Variants in OFD1 observed in about 807,000 individuals in gnomAD.
OFD1 encodes the protein centriole and centriolar satellite protein OFD1.
A neutral mutation model predicts 81.4 loss-of-function variants in OFD1; 12 were observed. That is an observed-to-expected ratio of 0.15 (90% CI 0.09 to 0.24). The LOEUF is 0.24. OFD1 is among the 10% of genes least tolerant of loss of function. The pLI is 1.00. For missense variants in OFD1, 685 were observed against 733.9 expected (o/e 0.93, Z 0.77); for synonymous variants, 256 against 263.7 (o/e 0.97, Z 0.28).
chrX:13,746,552 A>G (rs1276100787), intron 7 of OFD1, 97 bp downstream of exon 7: 7 of 1,030,759 alleles, frequency 6.8e-6, no homozygotes, highest in Non-Finnish European at 9.5e-6. Flanking sequence ...AGAACTTTTA[A>G]TAACGAATGG....
chrX:13,753,508 G>C (rs745365106), intron 11 of OFD1, 67 bp downstream of exon 11: 7 of 1,060,291 alleles, frequency 6.6e-6, no homozygotes, highest in Non-Finnish European at 9.2e-6. Context: ...TTCCCAAGTT[G>C]GGTCTTTTCT....
chrX:13,766,637 CG>C (rs1370560056), intron 19 of OFD1, among the ~76,000 whole-genome samples: 1 of 110,613 alleles, frequency 9.0e-6, no homozygotes, highest in Non-Finnish European at 1.9e-5. Context: ...GCTGGAATGG[CG>C]GGGGGAGGGC....
chrX:13,770,374 C>G (rs146557455), downstream of OFD1, among the ~76,000 whole-genome samples: 295 of 112,053 alleles, frequency 2.6e-3, 3 homozygotes, highest in African/African-American at 9.2e-3. Flanking sequence ...TAGGAATGGC[C>G]ATGTGTCAAT....
chrX:13,764,676 A>G (rs1471641894), intron 19 of OFD1, among the ~76,000 whole-genome samples: 1 of 112,516 alleles, frequency 8.9e-6, no homozygotes, highest in Non-Finnish European at 1.9e-5. Flanking sequence ...CCCTGTTAGC[A>G]GTTTCTTGGT....
At chrX:13,734,682 A>G (rs1427986291), upstream of OFD1, 2 of 942,378 alleles carry the variant, frequency 2.1e-6, no homozygotes, top group African/African-American at 4.0e-5. Context: ...CTGGGCAACC[A>G]AGCTCATGCG....
At chrX:13,724,963 C>T in the OFD1 span, among the ~76,000 whole-genome samples, 754 of 113,403 alleles carry the variant, frequency 6.6e-3, 9 homozygotes, top group African/African-American at 0.023. Context: ...ATGCCTGGCT[C>T]GGCAGGTCCC....
chrX:13,755,349 AT>A, intron 12 of OFD1, 107 bp downstream of exon 12: 1 of 550,887 alleles, frequency 1.8e-6, no homozygotes, highest in South Asian at 2.5e-5. Flanking sequence ...TTGGACTGCC[AT>A]TTATATGGCT....
the OFD1 span, among the ~76,000 whole-genome samples, chrX:13,718,753 T>A: frequency 8.9e-6 from 1 of 112,013 alleles, no homozygotes; most frequent in South Asian, 3.7e-4. Flanking sequence ...ATCAATTCCT[T>A]AAAGGACATT....
At chrX:13,754,138 C>T (rs999485151) in intron 11 of OFD1, among the ~76,000 whole-genome samples, 1 of 110,726 alleles carries the variant, frequency 9.0e-6, no homozygotes, top group Non-Finnish European at 1.9e-5. Flanking sequence ...CCCACCAACA[C>T]GCCCGGCTAA....
chrX:13,741,066 G>A (rs1038012804), intron 5 of OFD1, among the ~76,000 whole-genome samples: 3 of 110,508 alleles, frequency 2.7e-5, no homozygotes, highest in African/African-American at 9.9e-5. Context: ...CTTGAACCCA[G>A]GAGGCAGAGG....
chrX:13,729,681 G>A, the OFD1 span, among the ~76,000 whole-genome samples: 3 of 111,832 alleles, frequency 2.7e-5, no homozygotes, highest in African/African-American at 9.8e-5. Flanking sequence ...GGCTGAGGTG[G>A]TCATATCACC....
At chrX:13,731,218 G>C (rs1250881669), upstream of OFD1, among the ~76,000 whole-genome samples, 1 of 112,117 alleles carries the variant, frequency 8.9e-6, no homozygotes. Context: ...CATCCGCTAG[G>C]TTAAATGCTA....
At chrX:13,743,121 C>T (rs2047170102) in intron 5 of OFD1, among the ~76,000 whole-genome samples, 1 of 112,187 alleles carries the variant, frequency 8.9e-6, no homozygotes, top group African/African-American at 3.2e-5. Flanking sequence ...GCAGTTTCTG[C>T]CCATGTTCTC....
At chrX:13,734,441 C>T, upstream of OFD1, 1 of 240,134 alleles carries the variant, frequency 4.2e-6, no homozygotes, top group Non-Finnish European at 7.5e-6. Flanking sequence ...AGGTACAGGA[C>T]CAACATCCGC....
chrX:13,743,721 A>G (rs760661359), intron 5 of OFD1, among the ~76,000 whole-genome samples: 24 of 110,844 alleles, frequency 2.2e-4, no homozygotes, highest in Non-Finnish European at 4.5e-4. Context: ...ATCTTTGACA[A>G]TGTAGTTTTT....
rs35839446 is a variant in OFD1 at position 13,749,121 on chromosome X, CAAA to C, written c.829-289_829-287del. Among the ~76,000 whole-genome samples the C allele has an allele frequency of 4.8e-4, 33 of 69,032 alleles. No individual in the cohort carries two copies. The East Asian group carries it at 0.013, about 27-fold the overall frequency. The allele number at this position is 69,032 out of a possible 115,157, so 59.9% of individuals were successfully genotyped here. A position where few individuals can be genotyped will look rare whatever the true frequency, so the allele number is the denominator to read the frequency against. ...TGTGTGACAGAGTGAGACCCTGTCT[CAAA>C]AAAAAAAAAAAAAAAATTTTTTTAG... On this transcript the variant is annotated intron_variant, in intron 8 of 22. Coordinates refer to ENST00000340096, the MANE Select transcript of OFD1 (RefSeq NM_003611.3).
intron 2 of OFD1, 98 bp from the exon 3 acceptor site, chrX:13,736,380 T>A (rs997539232): frequency 9.2e-7 from 1 of 1,085,553 alleles, no homozygotes; most frequent in African/African-American, 1.8e-5. Context: ...AGGTTTCCAA[T>A]GAATGTAGCT....
chrX:13,732,212 GTAAAAGGATCAA>G (rs756646811), upstream of OFD1, among the ~76,000 whole-genome samples: 77 of 111,800 alleles, frequency 6.9e-4, no homozygotes, highest in Admixed American at 1.1e-3. Flanking sequence ...GAATCATATT[GTAAAAGGATCAA>G]TAACTCTGTG....
chrX:13,756,138 G>T (rs1044150746), intron 12 of OFD1, among the ~76,000 whole-genome samples: 1 of 109,672 alleles, frequency 9.1e-6, no homozygotes, highest in East Asian at 2.8e-4. Context: ...ATTTTTAGTA[G>T]AGATGGGGTT....
Sources: allele counts gnomAD v4.1 joint callset (sites outside exome capture counted in the v4.1 genomes callset), GRCh38; gene constraint gnomAD v4.1.1; transcripts MANE v1.5; gene names NCBI Gene and HGNC (gene_info 2026-07-23, HGNC 2026-07-21).